GOLM2: variants seen among roughly 807,000 people sequenced by gnomAD.
GOLM2 encodes protein GOLM2.
In GOLM2, 26 loss-of-function variants were observed where a neutral mutation model predicts 55.9. The ratio of observed to expected loss-of-function variants is 0.47; its 90% CI spans 0.34 to 0.65. The LOEUF is 0.65. Ranked by LOEUF, GOLM2 falls within the 30% of genes least tolerant of loss-of-function variation. The pLI is 0.01. For synonymous variants in GOLM2, 165 were observed against 194.6 expected (o/e 0.85, Z 1.27); for missense variants, 486 against 531.8 (o/e 0.91, Z 0.85).
chr15:44,292,184 CATAT>C (rs959343338), intron 1 of GOLM2, among the ~76,000 whole-genome samples: 18 of 144,652 alleles, frequency 1.2e-4, no homozygotes, highest in East Asian at 4.0e-4. Flanking sequence ...TGTATACATA[CATAT>C]ATATATATAT....
intron 6 of GOLM2, among the ~76,000 whole-genome samples, chr15:44,365,177 T>G (rs1292799460): frequency 1.3e-5 from 2 of 152,144 alleles, no homozygotes; most frequent in Non-Finnish European, 2.9e-5. Context: ...TGTGGTACCT[T>G]TGGACAATGG....
At chr15:44,377,643 G>A (rs918892960) in intron 6 of GOLM2, among the ~76,000 whole-genome samples, 6 of 152,154 alleles carry the variant, frequency 3.9e-5, no homozygotes, top group Admixed American at 3.3e-4. Context: ...CAAAGTGCTG[G>A]AATTACAGGC....
chr15:44,323,659 C>T (rs2141131888), intron 2 of GOLM2, among the ~76,000 whole-genome samples: 1 of 151,352 alleles, frequency 6.6e-6, no homozygotes, highest in South Asian at 2.1e-4. Context: ...ATCCTCATCT[C>T]CCTCACACCC....
chr15:44,291,361 A>C (rs1353659345), intron 1 of GOLM2, among the ~76,000 whole-genome samples: 8 of 152,166 alleles, frequency 5.3e-5, no homozygotes, highest in African/African-American at 1.9e-4. Context: ...AAAGGAAAAA[A>C]AATCTGTATA....
Position 44,289,035 on chromosome 15 carries a change from G to A in GOLM2, c.6G>A (p.Val2=). 2 of 1,612,610 alleles carry A rather than the reference G, an allele frequency of 1.2e-6. No homozygotes were observed. The highest frequency in any genetic ancestry group is 2.2e-5 in the South Asian group (2 of 90,986). M[V]GFGANRRAGR... is the part of the protein sequence containing the mutation. Reference sequence around the variant, plus strand: ...GTACAGCCCGATTTGGCCCCATGGTGGGTTTCGGGGCCAACCGGCGGGCTG... The same window carrying A: ...GTACAGCCCGATTTGGCCCCATGGTAGGTTTCGGGGCCAACCGGCGGGCTG... The change falls in exon 1 of 10, where the codon GTG becomes GTA. Residue 2 remains valine, a synonymous_variant. Transcript: ENST00000299957. The surrounding 1 kb of genome is among the most constrained non-coding windows in gnomAD (Gnocchi z 4.8).
rs1351786244 is a variant in GOLM2 at position 44,288,888 on chromosome 15, C to T, written c.-142C>T. The T allele has an allele frequency of 4.2e-6, 3 of 722,620 alleles. No individual in the cohort carries two copies. The highest frequency in any genetic ancestry group is 3.0e-5 in the Admixed American group (1 of 33,482). The allele number at this position is 722,620 out of a possible 1,614,324, so 44.8% of individuals were successfully genotyped here. A position where few individuals can be genotyped will look rare whatever the true frequency, so the allele number is the denominator to read the frequency against. On this transcript the variant is annotated 5_prime_UTR_variant, in exon 1 of 10. Transcript: ENST00000299957. ...CGGCTTGCGGCCCCGCCCCCTTCTC[C>T]GGCTCGCAGCCGACCGGTAAGCCCG... is the stretch of plus-strand genomic sequence containing the variant.
At chr15:44,359,017 C>T (rs868803496) in intron 6 of GOLM2, among the ~76,000 whole-genome samples, 4 of 151,490 alleles carry the variant, frequency 2.6e-5, no homozygotes, top group Non-Finnish European at 4.4e-5. Context: ...ATTAGCTGGG[C>T]GTGGTGCCGG....
chr15:44,328,614 C>A, intron 2 of GOLM2, 71 bp from the exon 3 acceptor site: 1 of 930,580 alleles, frequency 1.1e-6, no homozygotes, highest in Non-Finnish European at 1.6e-6. Context: ...AAAAAACATC[C>A]CATAGCTTCT....
At chr15:44,349,228 C>T (rs144202341) in intron 6 of GOLM2, among the ~76,000 whole-genome samples, 4,452 of 143,444 alleles carry the variant, frequency 0.031, 244 homozygotes, top group African/African-American at 0.11. Flanking sequence ...CATTGCACTA[C>T]AGCCTGGGCA....
intron 9 of GOLM2, among the ~76,000 whole-genome samples, chr15:44,407,615 A>T (rs940084867): frequency 6.6e-5 from 10 of 150,528 alleles, no homozygotes; most frequent in South Asian, 2.1e-4. Context: ...CTTTTTTTTT[A>T]AATTTTTTTT....
intron 6 of GOLM2, among the ~76,000 whole-genome samples, chr15:44,365,408 T>G (rs1387247617): frequency 6.6e-6 from 1 of 151,984 alleles, no homozygotes; most frequent in Non-Finnish European, 1.5e-5. Context: ...GTGACTGTAA[T>G]CTCAGCTACC....
At chr15:44,330,209 A>C (rs1438895374) in intron 3 of GOLM2, among the ~76,000 whole-genome samples, 1 of 100,430 alleles carries the variant, frequency 1.0e-5, no homozygotes, top group Admixed American at 9.1e-5. Flanking sequence ...TTGTCTCTTT[A>C]AAAAAAAAAA....
chr15:44,389,256 A>G (rs2079471372), intron 8 of GOLM2, among the ~76,000 whole-genome samples: 1 of 152,194 alleles, frequency 6.6e-6, no homozygotes, highest in African/African-American at 2.4e-5. Context: ...GTGGCCGGGC[A>G]CAGTGGCACA....
rs1418625392 is a variant in GOLM2 at position 44,360,073 on chromosome 15, A to T, written c.803-19617A>T. Among the ~76,000 whole-genome samples the T allele has an allele frequency of 5.3e-5, 8 of 152,326 alleles. 1 individual carries two copies. In the East Asian group the frequency reaches 1.5e-3, roughly 29 times the overall value. On this transcript the variant is annotated intron_variant, in intron 6 of 9. Transcript: ENST00000299957. Reference sequence around the variant, plus strand: ...GGAAGCACTAAACATGGAAAGGAACAACCACTACCAGCCGCTGCAAAATCA... The same window carrying T: ...GGAAGCACTAAACATGGAAAGGAACTACCACTACCAGCCGCTGCAAAATCA...
intron 5 of GOLM2, 126 bp from the exon 6 acceptor site, chr15:44,338,111 C>A: frequency 2.0e-6 from 2 of 1,006,160 alleles, no homozygotes; most frequent in South Asian, 1.5e-5. Context: ...ATGTCCAAAG[C>A]AAGAGGTAAA....
At chr15:44,368,568 GC>G (rs1461430769) in intron 6 of GOLM2, among the ~76,000 whole-genome samples, 2 of 151,550 alleles carry the variant, frequency 1.3e-5, no homozygotes, top group Non-Finnish European at 2.9e-5. Flanking sequence ...CTGCTGTTAA[GC>G]CCAGTCAGCA....
At chr15:44,386,756 T>G (rs545065898) in intron 8 of GOLM2, among the ~76,000 whole-genome samples, 4 of 152,070 alleles carry the variant, frequency 2.6e-5, no homozygotes, top group Admixed American at 6.6e-5. Context: ...CTGTAGCCTC[T>G]GCTACTGTGG....
chr15:44,321,918 G>C (rs1356280259), intron 1 of GOLM2, among the ~76,000 whole-genome samples: 3 of 151,994 alleles, frequency 2.0e-5, no homozygotes, highest in Non-Finnish European at 4.4e-5. Context: ...AATTAACTGG[G>C]TATTATGATA....
At chr15:44,331,873 C>T in intron 3 of GOLM2, 115 bp from the exon 4 acceptor site, 1 of 682,356 alleles carries the variant, frequency 1.5e-6, no homozygotes, top group East Asian at 2.8e-5. Context: ...TTTTCCAGCC[C>T]ACTCTCCCCT....
Sources: gnomAD v4.1 joint callset for allele counts (sites outside exome capture counted in the v4.1 genomes callset) on GRCh38, gnomAD v4.1.1 for gene constraint, Gnocchi (gnomAD v3.1) non-coding constraint, MANE v1.5 for transcripts, NCBI Gene and HGNC (gene_info 2026-07-23, HGNC 2026-07-21) for gene names.